Variants in ACOXL observed in about 807,000 individuals in gnomAD.
ACOXL encodes acyl-coenzyme A oxidase-like protein.
A neutral mutation model predicts 71.9 loss-of-function variants in ACOXL; 70 were observed. The ratio of observed to expected loss-of-function variants is 0.97; its 90% CI spans 0.80 to 1.19. ACOXL has a LOEUF of 1.19. ACOXL is among the 50% of genes most tolerant of loss of function. The pLI is 0.00. For missense variants in ACOXL, 703 were observed against 736.3 expected (o/e 0.95, Z 0.52); for synonymous variants, 253 against 281.6 (o/e 0.90, Z 1.02).
intron 16 of ACOXL, among the ~76,000 whole-genome samples, chr2:111,092,349 C>G (rs545449510): frequency 3.3e-5 from 5 of 152,236 alleles, no homozygotes; most frequent in Admixed American, 1.3e-4. Context: ...TGCAGAAGCT[C>G]TGTGTGTAGG....
rs114013869 is a variant in ACOXL at position 110,905,047 on chromosome 2, C to G, written c.789-3742C>G. 8.3e-3 allele frequency among the ~76,000 whole-genome samples: 1,256 copies of G among 152,178 alleles called. 21 individuals carry two copies. The highest frequency in any genetic ancestry group is 0.029 in the African/African-American group (1,216 of 41,534). On this transcript the variant is annotated intron_variant, in intron 10 of 17. Coordinates refer to ENST00000439055, the MANE Select transcript of ACOXL (RefSeq NM_001142807.4). ...CAGGGTCAGTAAAGTCTCAGATGTC[C>G]AAGCATCAGAGGCACATGGTTAACA...
chr2:111,062,065 A>C (rs2066844133), intron 16 of ACOXL, among the ~76,000 whole-genome samples: 1 of 152,102 alleles, frequency 6.6e-6, no homozygotes, highest in Non-Finnish European at 1.5e-5. Context: ...GGATTAAAAA[A>C]CATGAACCAA....
At chr2:110,906,436 G>A (rs889530419) in intron 10 of ACOXL, among the ~76,000 whole-genome samples, 1 of 151,616 alleles carries the variant, frequency 6.6e-6, no homozygotes, top group Non-Finnish European at 1.5e-5. Flanking sequence ...CTACTCGGGA[G>A]GCTGAGGCAG....
In ACOXL at chr2:110,884,514, C is replaced by T. The variant is rs1697060630; in HGVS notation, c.789-24275C>T. On this transcript the variant is annotated intron_variant, in intron 10 of 17. Coordinates refer to ENST00000439055, the MANE Select transcript of ACOXL (RefSeq NM_001142807.4). ...ATATCCTGCCACCCTTAAGCACTGA[C>T]ATAAAAGGAGCTCAGAGAGATGTTA... 2.0e-5 allele frequency among the ~76,000 whole-genome samples: 3 copies of T among 152,072 alleles called. No homozygotes were observed. In the South Asian group the frequency reaches 6.2e-4, roughly 32 times the overall value.
At chr2:110,762,725 G>A (rs1056381342) in intron 1 of ACOXL, among the ~76,000 whole-genome samples, 13 of 151,826 alleles carry the variant, frequency 8.6e-5, no homozygotes, top group African/African-American at 2.9e-4. Flanking sequence ...GTGTGATCTC[G>A]CCTCACTGCA....
intron 9 of ACOXL, among the ~76,000 whole-genome samples, chr2:110,833,454 C>A (rs374321361): frequency 2.0e-5 from 3 of 152,114 alleles, no homozygotes; most frequent in Non-Finnish European, 2.9e-5. Flanking sequence ...TGGCTACACA[C>A]GGTCACCATG....
intron 9 of ACOXL, among the ~76,000 whole-genome samples, chr2:110,822,013 A>G (rs1346234356): frequency 6.6e-6 from 1 of 151,854 alleles, no homozygotes; most frequent in Non-Finnish European, 1.5e-5. Flanking sequence ...ATGCGGCTGT[A>G]TACAAGATGC....
intron 9 of ACOXL, among the ~76,000 whole-genome samples, chr2:110,821,864 A>T (rs1183938906): frequency 6.6e-6 from 1 of 151,926 alleles, no homozygotes; most frequent in African/African-American, 2.4e-5. Flanking sequence ...TTGTTGCTCA[A>T]ATTGTTTCAG....
chr2:110,921,385 T>TCCTCC (rs1218740817), intron 11 of ACOXL, among the ~76,000 whole-genome samples: 1 of 115,842 alleles, frequency 8.6e-6, no homozygotes, highest in Non-Finnish European at 1.8e-5. Flanking sequence ...TCTCTATATA[T>TCCTCC]CCACCCCCCC....
chr2:110,749,131 G>A (rs1234273904), intron 1 of ACOXL, among the ~76,000 whole-genome samples: 2 of 151,962 alleles, frequency 1.3e-5, no homozygotes, highest in Non-Finnish European at 2.9e-5. Context: ...ATTCAAATTT[G>A]GTATCTGAAG....
intron 17 of ACOXL, among the ~76,000 whole-genome samples, chr2:111,098,136 C>T (rs867686546): frequency 1.3e-5 from 2 of 152,288 alleles, no homozygotes; most frequent in Middle Eastern, 6.8e-3. Flanking sequence ...TTCCCTCTTC[C>T]CTGAAACCCA....
At chr2:111,100,946 T>A (rs1306735697) in intron 17 of ACOXL, 2 of 152,626 alleles carry the variant, frequency 1.3e-5, no homozygotes, top group Non-Finnish European at 2.9e-5. Flanking sequence ...TGGGTTTTAG[T>A]TTCAGTTCAG....
At chr2:110,769,521 G>T (rs1284906469) in intron 2 of ACOXL, among the ~76,000 whole-genome samples, 1 of 151,770 alleles carries the variant, frequency 6.6e-6, no homozygotes, top group African/African-American at 2.4e-5. Context: ...AGGCACAGTG[G>T]CTCATGCCTG....
At chr2:110,762,887 G>C (rs1680583858) in intron 1 of ACOXL, among the ~76,000 whole-genome samples, 1 of 152,122 alleles carries the variant, frequency 6.6e-6, no homozygotes, top group Non-Finnish European at 1.5e-5. Flanking sequence ...AAGCTCCTGG[G>C]CTCGAGCAAT....
rs546795139 is a variant in ACOXL at position 110,745,911 on chromosome 2, G to T, written c.-23+13137G>T. Among the ~76,000 whole-genome samples the T allele has an allele frequency of 4.6e-5, 7 of 152,258 alleles. 1 individual carries two copies. In the South Asian group the frequency reaches 1.5e-3, roughly 32 times the overall value. ...ATAGTCAGGGAAAGCAGCCACCTCT[G>T]CCCCTTTCTTTTCCTGCAAGGGGAC... On this transcript the variant is annotated intron_variant, in intron 1 of 17. Transcript: ENST00000439055.
At chr2:110,837,504 C>T (rs760368289) in intron 9 of ACOXL, among the ~76,000 whole-genome samples, 22 of 151,988 alleles carry the variant, frequency 1.4e-4, no homozygotes, top group African/African-American at 5.3e-4. Flanking sequence ...ATGAAATCTA[C>T]GTGGTGCTTT....
At chr2:110,770,292 T>G (rs1163956498) in intron 2 of ACOXL, among the ~76,000 whole-genome samples, 6 of 152,156 alleles carry the variant, frequency 3.9e-5, no homozygotes, top group South Asian at 4.1e-4. Flanking sequence ...ATGGAGCTAG[T>G]GGGGGCCTGG....
At chr2:110,776,074 G>C (rs1682601385) in intron 2 of ACOXL, among the ~76,000 whole-genome samples, 1 of 152,188 alleles carries the variant, frequency 6.6e-6, no homozygotes, top group African/African-American at 2.4e-5. Context: ...CATACAATGG[G>C]ATGTTATTCA....
chr2:110,979,149 G>T (rs2062592751), intron 12 of ACOXL, among the ~76,000 whole-genome samples: 1 of 152,116 alleles, frequency 6.6e-6, no homozygotes, highest in African/African-American at 2.4e-5. Context: ...CCCTGAGTTC[G>T]GTTCAGACCC....
Sources: gnomAD v4.1 joint callset for allele counts (sites outside exome capture counted in the v4.1 genomes callset) on GRCh38, gnomAD v4.1.1 for gene constraint, MANE v1.5 for transcripts, NCBI Gene and HGNC (gene_info 2026-07-23, HGNC 2026-07-21) for gene names.